STK3: variants seen among roughly 807,000 people sequenced by gnomAD.
The protein encoded by STK3 is serine/threonine-protein kinase 3.
STK3 carries 41 observed loss-of-function variants against 58.0 expected under a neutral mutation model. That is an observed-to-expected ratio of 0.71 (90% confidence interval 0.55 to 0.92). STK3 has a LOEUF of 0.92. Ranked by LOEUF, STK3 falls within the 40% of genes least tolerant of loss-of-function variation. STK3 has a pLI of 0.00. For missense variants in STK3, 479 were observed against 602.7 expected, an observed-to-expected ratio of 0.79 and a Z score of 2.15; for synonymous variants, 170 against 191.0, an observed-to-expected ratio of 0.89 and a Z score of 0.91.
intron 7 of STK3, among the ~76,000 whole-genome samples, chr8:98,581,650 T>G (rs1216904372): frequency 6.6e-6 from 1 of 151,636 alleles, no homozygotes; most frequent in Non-Finnish European, 1.5e-5. Flanking sequence ...TTCTCCGTCC[T>G]TCTGCTTGAA....
intron 6 of STK3, among the ~76,000 whole-genome samples, chr8:98,703,354 C>T (rs1825747598): frequency 6.6e-6 from 1 of 152,056 alleles, no homozygotes; most frequent in South Asian, 2.1e-4. Flanking sequence ...ATCCAATCCA[C>T]CCAATGGAGG....
rs187783655 is a variant in STK3 at position 98,561,034 on chromosome 8, C to A, written c.949-12873G>T. 9.3e-3 allele frequency among the ~76,000 whole-genome samples: 1,402 copies of A among 151,434 alleles called. 17 individuals carry two copies. Among genetic ancestry groups the A allele is most frequent in the African/African-American group, 0.032 (1,325 of 41,314 alleles). ...GGTTAACAAAGCAAGATGCCGTGTC[C>A]AAAAAAGAAAAGAAAAGGAAAAAGA... On this transcript the variant is annotated intron_variant, in intron 8 of 10. Transcript: ENST00000419617.
At chr8:98,419,015 C>T (rs1464877442) in intron 3 of STK3, among the ~76,000 whole-genome samples, 2 of 152,220 alleles carry the variant, frequency 1.3e-5, no homozygotes, top group African/African-American at 4.8e-5. Context: ...CTGCCACCAA[C>T]GGCATGTATG....
downstream of STK3, chr8:98,883,550 A>G: frequency 1.7e-6 from 1 of 602,234 alleles, no homozygotes; most frequent in Non-Finnish European, 3.0e-6. Flanking sequence ...ATAAATAAAA[A>G]GAAGAATTTA....
intron 1 of STK3, chr8:98,782,519 G>T: frequency 3.2e-6 from 1 of 315,680 alleles, no homozygotes. Context: ...CCAGGCAGAG[G>T]CCTGCTGGTC....
intron 10 of STK3, among the ~76,000 whole-genome samples, chr8:98,482,096 A>G (rs1821899623): frequency 1.3e-5 from 2 of 152,222 alleles, no homozygotes; most frequent in Non-Finnish European, 2.9e-5. Flanking sequence ...ATATAAACAC[A>G]TCCTGATGTC....
chr8:98,598,940 A>G, intron 6 of STK3: 1 of 977,884 alleles, frequency 1.0e-6, no homozygotes, highest in Non-Finnish European at 1.2e-6. Flanking sequence ...CATGCCTGAA[A>G]TGTCATGCCT....
At chr8:98,666,371 T>C (rs1412917450) in intron 6 of STK3, among the ~76,000 whole-genome samples, 2 of 152,156 alleles carry the variant, frequency 1.3e-5, no homozygotes, top group Non-Finnish European at 2.9e-5. Flanking sequence ...AGTAACCTTA[T>C]AGTAAAAAAC....
chr8:98,536,335 C>T (rs1353227909), intron 9 of STK3, among the ~76,000 whole-genome samples: 1 of 152,092 alleles, frequency 6.6e-6, no homozygotes, highest in African/African-American at 2.4e-5. Flanking sequence ...TACCTCTAAT[C>T]CCAGCATTTT....
At chr8:98,408,013 G>A (rs1470311457) in intron 3 of STK3, among the ~76,000 whole-genome samples, 1 of 152,180 alleles carries the variant, frequency 6.6e-6, no homozygotes, top group Non-Finnish European at 1.5e-5. Context: ...CACTTCATCG[G>A]CTTTGCAGAG....
intron 4 of STK3, among the ~76,000 whole-genome samples, chr8:98,727,664 C>A (rs1162999133): frequency 6.6e-6 from 1 of 151,878 alleles, no homozygotes; most frequent in Non-Finnish European, 1.5e-5. Context: ...TACTTTCTGG[C>A]CCATCAAAAA....
At chr8:98,810,822 C>T (rs1834173202) in intron 1 of STK3, among the ~76,000 whole-genome samples, 1 of 152,088 alleles carries the variant, frequency 6.6e-6, no homozygotes, top group South Asian at 2.1e-4. Context: ...TCATGAATGG[C>T]TTGGTGTTGT....
intron 3 of STK3, among the ~76,000 whole-genome samples, chr8:98,876,469 CTCTG>C (rs1837562837): frequency 6.6e-6 from 1 of 152,134 alleles, no homozygotes; most frequent in Non-Finnish European, 1.5e-5. Context: ...AGAGTCAGAT[CTCTG>C]TCTGCCATTT....
intron 1 of STK3, among the ~76,000 whole-genome samples, chr8:98,439,787 T>A (rs955887508): frequency 3.9e-5 from 6 of 152,196 alleles, no homozygotes; most frequent in African/African-American, 1.4e-4. Context: ...TTTAAATGTA[T>A]CCTCTGTGGC....
intron 4 of STK3, among the ~76,000 whole-genome samples, chr8:98,715,756 A>G (rs565875108): frequency 6.6e-6 from 1 of 152,330 alleles, no homozygotes; most frequent in East Asian, 1.9e-4. Context: ...TAGAAATACC[A>G]TTTGACCCAG....
Position 98,414,038 on chromosome 8 carries a change from T to G in STK3, n.484-12525A>C, listed in dbSNP as rs532841580. Among the ~76,000 whole-genome samples the G allele has an allele frequency of 2.0e-3, 307 of 152,262 alleles. 4 individuals carry two copies. The highest frequency in any genetic ancestry group is 1.2e-3 in the East Asian group (6 of 5,172). The stretch of plus-strand genomic sequence containing the variant: ...CCACACTTTGGGAGGCCACAGTGGG[T>G]GGATCACCTGAGGCCAGGAGTTCCA... On this transcript the variant is annotated intron_variant and non_coding_transcript_variant, in intron 3 of 3. Coordinates refer to the STK3 transcript ENST00000517832.
At chr8:98,599,372 A>G (rs1816124759) in intron 6 of STK3, among the ~76,000 whole-genome samples, 1 of 152,212 alleles carries the variant, frequency 6.6e-6, no homozygotes, top group South Asian at 2.1e-4. Flanking sequence ...GATGAGGCCA[A>G]TACTGGACAT....
chr8:98,594,179 C>A (rs565627900), intron 7 of STK3, among the ~76,000 whole-genome samples: 1 of 152,166 alleles, frequency 6.6e-6, no homozygotes, highest in East Asian at 1.9e-4. Context: ...TGGTGGCATG[C>A]ATCTGTAGTC....
At chr8:98,657,287 T>C (rs1184095351) in intron 6 of STK3, among the ~76,000 whole-genome samples, 2 of 152,034 alleles carry the variant, frequency 1.3e-5, no homozygotes, top group African/African-American at 4.8e-5. Context: ...CCCTTCGAGA[T>C]AGTTACTATG....
Sources: gnomAD v4.1 joint callset for allele counts (sites outside exome capture counted in the v4.1 genomes callset) on GRCh38, gnomAD v4.1.1 for gene constraint, MANE v1.5 for transcripts, NCBI Gene and HGNC (gene_info 2026-07-23, HGNC 2026-07-21) for gene names.